The following RBM19 variants were observed in gnomAD, a reference collection of about 807,000 sequenced individuals.
RBM19 encodes the protein probable RNA-binding protein 19.
In RBM19, 94 loss-of-function variants were observed where a neutral mutation model predicts 116.8. The observed-to-expected ratio is 0.80, with a 90% CI of 0.68 to 0.95. RBM19 has a LOEUF of 0.95. Ranked by LOEUF, RBM19 falls within the 40% of genes least tolerant of loss-of-function variation. RBM19 has a pLI of 0.00. For missense variants in RBM19, 1,161 were observed against 1,220.7 expected (o/e 0.95, Z 0.73); for synonymous variants, 475 against 494.1 (o/e 0.96, Z 0.51).
At chr12:113,963,667 C>G (rs1241717850) in intron 1 of RBM19, among the ~76,000 whole-genome samples, 1 of 152,198 alleles carries the variant, frequency 6.6e-6, no homozygotes, top group Non-Finnish European at 1.5e-5. Flanking sequence ...GAATTCAATT[C>G]CTCAGTGCCT....
Position 113,949,047 on chromosome 12 carries a change from G to T in RBM19, c.1073-11C>A. 1 of 1,608,380 alleles carries T rather than the reference G, an allele frequency of 6.2e-7. No homozygotes were observed. The highest frequency in any genetic ancestry group is 8.5e-7 in the Non-Finnish European group (1 of 1,175,728). ...CGATGTAGCGCCCACCTGCAATGAA[G>T]AGGAGTCAGGGCTCCAGGGGGAGGC... is the stretch of plus-strand genomic sequence containing the variant. On this transcript the variant is annotated splice_polypyrimidine_tract_variant and intron_variant, in intron 9 of 23. Transcript: ENST00000261741.
intron 18 of RBM19, among the ~76,000 whole-genome samples, chr12:113,922,121 A>C (rs559530420): frequency 6.6e-6 from 1 of 152,256 alleles, no homozygotes; most frequent in African/African-American, 2.4e-5. Flanking sequence ...TCGTGGCTCC[A>C]ACTCTCAGCT....
intron 22 of RBM19, among the ~76,000 whole-genome samples, chr12:113,845,500 C>T (rs1420502273): frequency 6.6e-6 from 1 of 152,194 alleles, no homozygotes; most frequent in East Asian, 1.9e-4. Context: ...TGTCTGAAGA[C>T]AATTCAATGC....
intron 21 of RBM19, among the ~76,000 whole-genome samples, chr12:113,882,570 A>C (rs1191203418): frequency 6.6e-6 from 1 of 152,390 alleles, no homozygotes; most frequent in Middle Eastern, 3.4e-3. Flanking sequence ...TACTGAAAAG[A>C]GCCAGAGAAG....
At chr12:113,936,904 G>T in intron 16 of RBM19, 103 bp downstream of exon 16, 2 of 1,454,350 alleles carry the variant, frequency 1.4e-6, no homozygotes, top group Non-Finnish European at 9.3e-7. Flanking sequence ...TGAACAAAGA[G>T]CTTTAAACCA....
At chr12:113,878,344 G>A (rs994278862) in intron 21 of RBM19, among the ~76,000 whole-genome samples, 1 of 152,114 alleles carries the variant, frequency 6.6e-6, no homozygotes, top group South Asian at 2.1e-4. Flanking sequence ...CTTATTAGAA[G>A]CCGTGAGAAG....
At chr12:113,880,073 T>C (rs1003685198) in intron 21 of RBM19, among the ~76,000 whole-genome samples, 5 of 151,182 alleles carry the variant, frequency 3.3e-5, no homozygotes, top group African/African-American at 1.2e-4. Flanking sequence ...GGGGTGGTGA[T>C]GAAGGCCACT....
chr12:113,839,561 G>A (rs768956087), intron 23 of RBM19, among the ~76,000 whole-genome samples: 6 of 152,306 alleles, frequency 3.9e-5, no homozygotes, highest in South Asian at 2.1e-4. Context: ...TCATCTCTGC[G>A]TGCCTCAGTT....
intron 23 of RBM19, among the ~76,000 whole-genome samples, chr12:113,836,392 C>T (rs1012173078): frequency 1.3e-5 from 2 of 152,106 alleles, no homozygotes; most frequent in Non-Finnish European, 2.9e-5. Context: ...CCCTGTCCTT[C>T]GCTGTTCAAT....
chr12:113,917,923 T>C (rs1882871612), intron 20 of RBM19, among the ~76,000 whole-genome samples: 1 of 152,222 alleles, frequency 6.6e-6, no homozygotes, highest in East Asian at 1.9e-4. Flanking sequence ...CTCTAACACC[T>C]ACGGAATCTC....
At chr12:113,847,445 T>C (rs1877093451) in intron 22 of RBM19, among the ~76,000 whole-genome samples, 1 of 152,030 alleles carries the variant, frequency 6.6e-6, no homozygotes, top group East Asian at 1.9e-4. Flanking sequence ...TGAGCCGAAA[T>C]GGCCCATTCA....
At chr12:113,896,873 C>T (rs1008514424) in intron 21 of RBM19, among the ~76,000 whole-genome samples, 1 of 152,216 alleles carries the variant, frequency 6.6e-6, no homozygotes, top group African/African-American at 2.4e-5. Context: ...TCATGGCACT[C>T]CTAGGCCGAA....
chr12:113,832,641 G>A (rs771288049), intron 23 of RBM19, among the ~76,000 whole-genome samples: 6 of 152,176 alleles, frequency 3.9e-5, no homozygotes, highest in Non-Finnish European at 8.8e-5. Flanking sequence ...AACACCTCTG[G>A]AGGAAGGGCT....
intron 22 of RBM19, 87 bp downstream of exon 22, chr12:113,858,704 T>A (rs1044220587): frequency 1.6e-6 from 2 of 1,251,884 alleles, no homozygotes; most frequent in African/African-American, 3.0e-5. Context: ...GGTGACTCTG[T>A]GTGTGTTAGA....
Position 113,895,677 on chromosome 12 carries a change from G to A in RBM19, c.2558+19292C>T, listed in dbSNP as rs980601514. ...GAGTGGCATGAATTTCTCCAGGGAG[G>A]AGGGTGGCACAAGACTTGGGTGGCA... On this transcript the variant is annotated intron_variant, in intron 21 of 23. Coordinates refer to ENST00000261741, the MANE Select transcript of RBM19 (RefSeq NM_016196.4). Among the ~76,000 whole-genome samples the A allele has an allele frequency of 4.6e-5, 7 of 152,278 alleles. 1 individual carries two copies. The South Asian group carries it at 1.4e-3, about 32-fold the overall frequency.
intron 14 of RBM19, among the ~76,000 whole-genome samples, chr12:113,940,873 G>A (rs990445233): frequency 3.9e-5 from 6 of 152,178 alleles, no homozygotes; most frequent in African/African-American, 1.2e-4. Context: ...CTCAGCTCCC[G>A]CAGCGACAGC....
At chr12:113,924,174 G>C (rs996325792) in intron 18 of RBM19, among the ~76,000 whole-genome samples, 1 of 152,234 alleles carries the variant, frequency 6.6e-6, no homozygotes, top group Non-Finnish European at 1.5e-5. Context: ...CTCTCTGCCT[G>C]TCCATGTACC....
chr12:113,940,203 G>C (rs1423113780), intron 14 of RBM19, 43 bp from the exon 15 acceptor site: 1 of 1,578,218 alleles, frequency 6.3e-7, no homozygotes. Context: ...CAGGAGGGAG[G>C]AGGGTCCCCA....
chr12:113,934,795 G>A (rs1327735844), intron 16 of RBM19, among the ~76,000 whole-genome samples: 2 of 152,170 alleles, frequency 1.3e-5, no homozygotes, highest in Non-Finnish European at 2.9e-5. Flanking sequence ...GGCTAACAAC[G>A]AAAACCAAAC....
Sources: allele counts gnomAD v4.1 joint callset (sites outside exome capture counted in the v4.1 genomes callset), GRCh38; gene constraint gnomAD v4.1.1; transcripts MANE v1.5; gene names NCBI Gene and HGNC (gene_info 2026-07-23, HGNC 2026-07-21).